Variants in ASCC3 observed in about 807,000 individuals in gnomAD.
ASCC3 encodes ASC-1 complex subunit P200.
ASCC3 carries 158 observed loss-of-function variants against 256.3 expected under a neutral mutation model. That is an observed-to-expected ratio of 0.62 (90% confidence interval 0.54 to 0.70). The LOEUF (loss-of-function observed/expected upper bound fraction) is 0.70. ASCC3 is among the 30% of genes least tolerant of loss of function. The probability of loss-of-function intolerance (pLI) is 0.00; values close to 1 mark genes in which losing one functional copy is unlikely to be tolerated. For missense variants in ASCC3, 2,259 were observed against 2,626.0 expected (o/e 0.86, Z 3.05); for synonymous variants, 948 against 883.4 (o/e 1.07, Z -1.30).
chr6:100,725,349 G>C (rs901715392), intron 11 of ASCC3, among the ~76,000 whole-genome samples, 190 bp downstream of exon 11: 3 of 151,806 alleles, frequency 2.0e-5, no homozygotes, highest in Admixed American at 6.6e-5. Flanking sequence ...ATTTTGGTTT[G>C]GGCTATTTAT....
chr6:100,636,640 T>C (rs1774859229), intron 25 of ASCC3, among the ~76,000 whole-genome samples: 1 of 152,176 alleles, frequency 6.6e-6, no homozygotes, highest in African/African-American at 2.4e-5. Context: ...GGCCTCTTAA[T>C]ACCAAGGAGT....
intron 14 of ASCC3, among the ~76,000 whole-genome samples, chr6:100,677,586 T>G (rs1777088355): frequency 6.6e-6 from 1 of 152,050 alleles, no homozygotes. Context: ...ACAGGTCAGA[T>G]GAGAAAATTA....
At chr6:100,828,702 C>G (rs1393106745) in intron 4 of ASCC3, among the ~76,000 whole-genome samples, 1 of 152,070 alleles carries the variant, frequency 6.6e-6, no homozygotes, top group Non-Finnish European at 1.5e-5. Context: ...GGTTCGTGGT[C>G]TGGCTGGCTT....
chr6:100,571,546 A>G (rs940259095), intron 36 of ASCC3, among the ~76,000 whole-genome samples: 2 of 152,214 alleles, frequency 1.3e-5, no homozygotes, highest in African/African-American at 4.8e-5. Flanking sequence ...TGCTCAATAA[A>G]TATTATTATT....
rs1198290443 is a variant in ASCC3 at position 100,678,644 on chromosome 6, T to TTA, written c.2286+972_2286+973dup. On this transcript the variant is annotated intron_variant, in intron 14 of 41. Coordinates refer to ENST00000369162, the MANE Select transcript of ASCC3 (RefSeq NM_006828.4). Reference sequence around the variant, plus strand: ...AGTAACCAATCAGTTAAATCTTACGTTATATATATATATAAAATTTAAAGT... The same window carrying TTA: ...AGTAACCAATCAGTTAAATCTTACGTTATATATATATATATAAAATTTAAAGT... Among the ~76,000 whole-genome samples the TTA allele has an allele frequency of 1.4e-4, 21 of 151,532 alleles. No homozygotes were observed. In the South Asian group the frequency reaches 1.7e-3, roughly 12 times the overall value.
chr6:100,741,415 T>G (rs1780428564), intron 10 of ASCC3, among the ~76,000 whole-genome samples: 1 of 152,204 alleles, frequency 6.6e-6, no homozygotes, highest in African/African-American at 2.4e-5. Context: ...TTCCAGAATT[T>G]GAATGTTGGC....
intron 13 of ASCC3, among the ~76,000 whole-genome samples, chr6:100,689,253 C>T (rs1777724616): frequency 6.6e-6 from 1 of 152,130 alleles, no homozygotes; most frequent in Admixed American, 6.6e-5. Flanking sequence ...ATAAAAGACA[C>T]CATTTATTGG....
At chr6:100,608,132 A>T (rs1332941957) in intron 30 of ASCC3, among the ~76,000 whole-genome samples, 1 of 127,664 alleles carries the variant, frequency 7.8e-6, no homozygotes, top group East Asian at 2.3e-4. Flanking sequence ...ATATACATAT[A>T]TATGTATATA....
At chr6:100,565,150 A>G (rs530872749) in intron 36 of ASCC3, among the ~76,000 whole-genome samples, 16 of 152,300 alleles carry the variant, frequency 1.1e-4, no homozygotes, top group Non-Finnish European at 2.2e-4. Flanking sequence ...TTTAACTGCA[A>G]TTGAATCAAC....
intron 34 of ASCC3, among the ~76,000 whole-genome samples, chr6:100,595,958 T>C (rs1772271809): frequency 6.6e-6 from 1 of 152,186 alleles, no homozygotes; most frequent in Non-Finnish European, 1.5e-5. Context: ...TAAATGCTTA[T>C]TTTATTTTTA....
In ASCC3 at chr6:100,877,636, CAG is replaced by C. The variant is rs199741179; in HGVS notation, c.-42+3423_-42+3424del. Reference sequence around the variant, plus strand: ...TATTACCATCAATTGGTTCATACAGCAGAGTCTAGGCACATTTAACTTTCTTG... The same window carrying C: ...TATTACCATCAATTGGTTCATACAGCAGTCTAGGCACATTTAACTTTCTTG... On this transcript the variant is annotated intron_variant, in intron 1 of 41. Transcript: ENST00000369162. Among the ~76,000 whole-genome samples the C allele has an allele frequency of 2.0e-4, 30 of 152,254 alleles. No individual in the cohort carries two copies. In the East Asian group the frequency reaches 5.8e-3, roughly 29 times the overall value.
intron 4 of ASCC3, among the ~76,000 whole-genome samples, chr6:100,822,895 T>C (rs76640204): frequency 1.3e-5 from 2 of 152,300 alleles, no homozygotes; most frequent in African/African-American, 4.8e-5. Context: ...GCAATGTTCA[T>C]ACATGATAAG....
intron 25 of ASCC3, among the ~76,000 whole-genome samples, chr6:100,634,039 C>T (rs897087364): frequency 8.5e-5 from 13 of 152,078 alleles, no homozygotes; most frequent in Admixed American, 8.5e-4. Flanking sequence ...AATTTTAGTA[C>T]ACTTTTCTTA....
At chr6:100,767,419 A>G in intron 8 of ASCC3, 74 bp from the exon 9 acceptor site, 1 of 1,423,328 alleles carries the variant, frequency 7.0e-7, no homozygotes, top group South Asian at 1.2e-5. Context: ...ATGTGTTAAC[A>G]TTTATTTCCT....
chr6:100,686,703 C>A (rs906430908), intron 13 of ASCC3, among the ~76,000 whole-genome samples: 20 of 151,876 alleles, frequency 1.3e-4, no homozygotes, highest in African/African-American at 4.4e-4. Context: ...CAGAGTATAA[C>A]TCTGTACACA....
At chr6:100,712,094 C>T (rs1778878715) in intron 13 of ASCC3, among the ~76,000 whole-genome samples, 1 of 152,096 alleles carries the variant, frequency 6.6e-6, no homozygotes, top group South Asian at 2.1e-4. Context: ...AGACGCAGAC[C>T]TCATATCTTT....
Position 100,512,850 on chromosome 6 carries a change from G to A in ASCC3, c.6144C>T (p.Asp2048=), listed in dbSNP as rs1242244357. 6 of 1,614,036 alleles carry A rather than the reference G, an allele frequency of 3.7e-6. No individual in the cohort carries two copies. Among genetic ancestry groups the A allele is most frequent in the Non-Finnish European group, 5.1e-6 (6 of 1,179,980 alleles). The change falls in exon 40 of 42, where the codon GAC becomes GAT. Residue 2048 remains aspartate, a synonymous_variant. Transcript: ENST00000369162. ...AGAGTTCATTATGTCCTTCAACTAA[G>A]TCATCCCACGAGCCTTTAACACTTA... is the stretch of plus-strand genomic sequence containing the variant. ...VGISVKGSWD[D]LVEGHNELSV... is the part of the protein sequence containing the mutation.
chr6:100,713,381 G>A (rs1215282557), intron 13 of ASCC3, among the ~76,000 whole-genome samples: 1 of 152,126 alleles, frequency 6.6e-6, no homozygotes. Context: ...CAAAACTATG[G>A]AGAGAGTAAA....
intron 10 of ASCC3, among the ~76,000 whole-genome samples, chr6:100,756,852 A>C (rs1562275055): frequency 6.6e-6 from 1 of 152,150 alleles, no homozygotes; most frequent in Non-Finnish European, 1.5e-5. Flanking sequence ...GAAATATAAA[A>C]TTTTTTTTTA....
Sources: gnomAD v4.1 joint callset for allele counts (sites outside exome capture counted in the v4.1 genomes callset) on GRCh38, gnomAD v4.1.1 for gene constraint, MANE v1.5 for transcripts, NCBI Gene and HGNC (gene_info 2026-07-23, HGNC 2026-07-21) for gene names.